The following MACF1 variants were observed in gnomAD, a reference collection of about 807,000 sequenced individuals.
MACF1 encodes the protein microtubule-actin cross-linking factor 1.
MACF1 carries 193 observed loss-of-function variants against 854.8 expected under a neutral mutation model. The observed-to-expected ratio is 0.23, with a 90% confidence interval of 0.20 to 0.25. The LOEUF is 0.25. MACF1 is among the 10% of genes least tolerant of loss of function. The pLI, the probability that MACF1 is intolerant of heterozygous loss-of-function variation, is 1.00. For synonymous variants in MACF1, 3,185 were observed against 3,226.7 expected (o/e 0.99, Z 0.44); for missense variants, 7,722 against 8,929.1 (o/e 0.86, Z 5.45).
Position 39,435,613 on chromosome 1 carries a change from T to C in MACF1, c.17840T>C (p.Ile5947Thr), listed in dbSNP as rs376947701. The part of the protein sequence containing the change: ...HKPHIDKLLK[I>T]GPQLKELNPE... Reference sequence around the variant, plus strand: ...CCTCATATTGACAAACTACTAAAGATAGGCCCACAACTAAAGGAATTAAAC... The same window carrying C: ...CCTCATATTGACAAACTACTAAAGACAGGCCCACAACTAAAGGAATTAAAC... Residue 5947 changes from isoleucine to threonine, a missense_variant, in exon 70 of 101, where the codon ATA (isoleucine) becomes ACA (threonine). Coordinates refer to ENST00000564288, the MANE Select transcript of MACF1 (RefSeq NM_001394062.1). 1.4e-5 allele frequency: 22 copies of C among 1,614,124 alleles called. No homozygotes were observed. Among genetic ancestry groups the C allele is most frequent in the East Asian group, 2.2e-5 (1 of 44,888 alleles).
chr1:39,320,957 G>T (rs1163021056), intron 31 of MACF1, among the ~76,000 whole-genome samples: 1 of 152,088 alleles, frequency 6.6e-6, no homozygotes, highest in Non-Finnish European at 1.5e-5. Flanking sequence ...AACAGAGAAA[G>T]ACTGTGTCTC....
At chr1:39,412,059 G>A in intron 58 of MACF1, 1 of 1,613,964 alleles carries the variant, frequency 6.2e-7, no homozygotes. Flanking sequence ...TGGAAAAGCT[G>A]GACCCAGGAG....
chr1:39,344,884 G>A (rs913727955), intron 40 of MACF1, among the ~76,000 whole-genome samples: 4 of 151,992 alleles, frequency 2.6e-5, no homozygotes, highest in African/African-American at 7.3e-5. Flanking sequence ...CTCTGCTGTC[G>A]CTGCAACCAA....
At chr1:39,255,423 A>G (rs1318651476) in intron 5 of MACF1, among the ~76,000 whole-genome samples, 1 of 152,206 alleles carries the variant, frequency 6.6e-6, no homozygotes, top group Non-Finnish European at 1.5e-5. Flanking sequence ...AGTGAGCCAT[A>G]TGGAAAATAT....
chr1:39,444,605 T>C, intron 79 of MACF1, 57 bp from the exon 80 acceptor site: 1 of 1,482,468 alleles, frequency 6.7e-7, no homozygotes, highest in East Asian at 2.3e-5. Flanking sequence ...AGAATCTATA[T>C]GTAGGTGTCT....
chr1:39,152,465 A>G (rs1330943505), intron 2 of MACF1, among the ~76,000 whole-genome samples: 1 of 152,220 alleles, frequency 6.6e-6, no homozygotes, highest in Non-Finnish European at 1.5e-5. Context: ...AGACAAGTAC[A>G]GAAAATGTAT....
chr1:39,396,319 CAA>C (rs1165225801), intron 58 of MACF1, among the ~76,000 whole-genome samples: 19 of 81,578 alleles, frequency 2.3e-4, no homozygotes, highest in Non-Finnish European at 1.4e-4. Context: ...GACTCCATCT[CAA>C]AAAAAAAAAA....
chr1:39,384,847 G>T (rs1191992777), intron 56 of MACF1, among the ~76,000 whole-genome samples: 1 of 152,160 alleles, frequency 6.6e-6, no homozygotes, highest in Non-Finnish European at 1.5e-5. Context: ...TAATTTCTCA[G>T]CCGTGTCTGG....
chr1:39,117,233 G>A (rs74069440), intron 2 of MACF1, among the ~76,000 whole-genome samples: 1 of 151,352 alleles, frequency 6.6e-6, no homozygotes, highest in African/African-American at 2.4e-5. Flanking sequence ...TACTTGCTTG[G>A]TTTTTTTTCA....
intron 36 of MACF1, chr1:39,328,736 C>T (rs1646663317): frequency 6.6e-6 from 1 of 152,178 alleles, no homozygotes; most frequent in Non-Finnish European, 1.5e-5. Flanking sequence ...GTTTTCTTTC[C>T]TCCTCTCCTT....
At chr1:39,170,607 AC>A (rs1643935457) in intron 2 of MACF1, among the ~76,000 whole-genome samples, 1 of 152,244 alleles carries the variant, frequency 6.6e-6, no homozygotes, top group Non-Finnish European at 1.5e-5. Flanking sequence ...TATCAGTGAA[AC>A]GACTATTATA....
At chr1:39,206,571 G>A (rs1644453155) in intron 1 of MACF1, 2 of 152,030 alleles carry the variant, frequency 1.3e-5, no homozygotes, top group African/African-American at 4.8e-5. Context: ...GTTTAGAAAT[G>A]TTAATTTCAT....
intron 59 of MACF1, 26 bp downstream of exon 59, chr1:39,422,561 T>G: frequency 6.3e-7 from 1 of 1,588,872 alleles, no homozygotes; most frequent in Non-Finnish European, 8.6e-7. Context: ...GTAGCAAGTG[T>G]ACTGGAAACG....
intron 6 of MACF1, among the ~76,000 whole-genome samples, chr1:39,281,120 G>T (rs946459198): frequency 6.6e-6 from 1 of 152,136 alleles, no homozygotes; most frequent in African/African-American, 2.4e-5. Flanking sequence ...TTCCTCACCT[G>T]CATTATGATC....
chr1:39,350,481 T>C (rs1419995402), intron 42 of MACF1, among the ~76,000 whole-genome samples: 1 of 152,250 alleles, frequency 6.6e-6, no homozygotes, highest in Non-Finnish European at 1.5e-5. Context: ...TCGACTCTGC[T>C]AAGATCATGT....
intron 1 of MACF1, among the ~76,000 whole-genome samples, chr1:39,217,900 G>T (rs1247080012): frequency 8.1e-6 from 1 of 123,098 alleles, no homozygotes; most frequent in Admixed American, 7.9e-5. Context: ...AAAAAAAAAA[G>T]AGGTCGGTCA....
At chr1:39,232,746 G>GTTTTTTTTTTTTTTTTTTTTT (rs10712180) in intron 2 of MACF1, among the ~76,000 whole-genome samples, 15 of 128,464 alleles carry the variant, frequency 1.2e-4, no homozygotes, top group Non-Finnish European at 1.7e-4. Flanking sequence ...TACTCTCTTT[G>GTTTTTTTTTTTTTTTTTTTTT]TTTTTTTTTT....
rs749511406 is a variant in MACF1, at chr1:39,432,627, G to C, written c.17430G>C (p.Gln5810His). The C allele has an allele frequency of 1.2e-6, 2 of 1,614,014 alleles. No individual in the cohort carries two copies. The highest frequency in any genetic ancestry group is 2.2e-5 in the South Asian group (2 of 91,074). The change falls in exon 67 of 101, where the codon CAG becomes CAC. Residue 5810 changes from glutamine to histidine, a missense_variant. Gln to His is a conservative substitution (Grantham distance 24). This residue lies in a region of MACF1 where 2,807 missense variants were observed against 3,235.8 expected (regional missense o/e 0.87). Transcript: ENST00000564288. ...GTCCAATTCGCCTGGAACAGGACCA[G>C]ACCACAGCTCAGCTTCAGGTACAGA... ...ALGPIRLEQD[Q>H]TTAQLQVQKA...
At chr1:39,410,450 T>C (rs759953785) in intron 58 of MACF1, 4 of 1,613,942 alleles carry the variant, frequency 2.5e-6, no homozygotes, top group Non-Finnish European at 3.4e-6. Context: ...AAAAGCACCA[T>C]GGAAAAGATG....
Sources: gnomAD v4.1 joint callset for allele counts (sites outside exome capture counted in the v4.1 genomes callset) on GRCh38, gnomAD v4.1.1 for gene constraint, gnomAD v4.1.1 regional missense constraint, MANE v1.5 for transcripts, NCBI Gene and HGNC (gene_info 2026-07-23, HGNC 2026-07-21) for gene names.